FNIP2: variants seen among roughly 807,000 people sequenced by gnomAD.
FNIP2 encodes folliculin-interacting protein 2.
Under a neutral mutation model 108.7 loss-of-function variants are expected in FNIP2, and 32 were observed. The ratio of observed to expected loss-of-function variants is 0.29; its 90% confidence interval spans 0.22 to 0.40. The LOEUF (loss-of-function observed/expected upper bound fraction) is 0.40. Ranked by LOEUF, FNIP2 falls within the 10% of genes least tolerant of loss-of-function variation. The probability of loss-of-function intolerance (pLI) is 1.00; values close to 1 mark genes in which losing one functional copy is unlikely to be tolerated. For missense variants in FNIP2, 1,202 were observed against 1,381.6 expected (o/e 0.87, Z 2.06); for synonymous variants, 480 against 496.7 (o/e 0.97, Z 0.45).
At chr4:158,795,459 G>C (rs1433787200) in intron 1 of FNIP2, among the ~76,000 whole-genome samples, 2 of 152,152 alleles carry the variant, frequency 1.3e-5, no homozygotes, top group African/African-American at 4.8e-5. Flanking sequence ...TACATTCTGA[G>C]GTATCTGATG....
At chr4:158,846,539 T>C (rs1779414837) in intron 7 of FNIP2, among the ~76,000 whole-genome samples, 1 of 152,184 alleles carries the variant, frequency 6.6e-6, no homozygotes, top group Non-Finnish European at 1.5e-5. Context: ...CTAACCTGAA[T>C]TATATAATAC....
intron 8 of FNIP2, among the ~76,000 whole-genome samples, chr4:158,853,723 AGAT>A (rs1364796078): frequency 6.6e-6 from 1 of 152,242 alleles, no homozygotes; most frequent in East Asian, 1.9e-4. Context: ...CATCTGGATC[AGAT>A]GATTCTTGTT....
chr4:158,806,323 GT>G (rs1445529103), intron 1 of FNIP2: 1 of 1,289,280 alleles, frequency 7.8e-7, no homozygotes. Context: ...GAGTGATGCT[GT>G]TCCTGGTGCT....
intron 1 of FNIP2, chr4:158,806,362 A>G: frequency 7.8e-7 from 1 of 1,289,420 alleles, no homozygotes. Context: ...GCTTTTATGC[A>G]CAAAGATTAA....
chr4:158,897,998 T>C (rs957918177), intron 16 of FNIP2, among the ~76,000 whole-genome samples: 1 of 152,252 alleles, frequency 6.6e-6, no homozygotes, highest in Non-Finnish European at 1.5e-5. Context: ...TTAATCCATC[T>C]TGAGTTAATT....
chr4:158,831,789 T>C, intron 3 of FNIP2, 72 bp from the exon 4 acceptor site: 1 of 960,046 alleles, frequency 1.0e-6, no homozygotes. Context: ...ACGAGATTAA[T>C]AAACATTATT....
intron 1 of FNIP2, among the ~76,000 whole-genome samples, chr4:158,806,807 G>T (rs1160207901): frequency 6.6e-6 from 1 of 152,178 alleles, no homozygotes; most frequent in Non-Finnish European, 1.5e-5. Context: ...TCAGGCCTGG[G>T]CGTTTTCACT....
At chr4:158,791,404 C>T (rs1460223935) in intron 1 of FNIP2, among the ~76,000 whole-genome samples, 3 of 151,232 alleles carry the variant, frequency 2.0e-5, no homozygotes, top group African/African-American at 7.3e-5. Flanking sequence ...CTGCCTCAGC[C>T]TCCTGAGTAG....
chr4:158,772,551 G>A (rs922523038), intron 1 of FNIP2, among the ~76,000 whole-genome samples: 1 of 152,190 alleles, frequency 6.6e-6, no homozygotes, highest in African/African-American at 2.4e-5. Context: ...TATTATCTGG[G>A]ATATGAAGAA....
rs767388522 is a variant in FNIP2 at position 158,788,633 on chromosome 4, A to G, written c.107+19314A>G. Among the ~76,000 whole-genome samples, 164 of 152,248 alleles carry G rather than the reference A, an allele frequency of 1.1e-3. 2 individuals are homozygous for G. Among genetic ancestry groups the G allele is most frequent in the Non-Finnish European group, 5.3e-4 (36 of 68,050 alleles). ...CATGTTGTTTATCCCCTTTGGGAGA[A>G]GAAGCCGTACATATGGACAGGCCTC... On this transcript the variant is annotated intron_variant, in intron 1 of 16. Coordinates refer to ENST00000264433, the MANE Select transcript of FNIP2 (RefSeq NM_020840.3).
intron 16 of FNIP2, among the ~76,000 whole-genome samples, chr4:158,897,041 CTGTG>C (rs1315677775): frequency 6.6e-6 from 1 of 151,916 alleles, no homozygotes; most frequent in Non-Finnish European, 1.5e-5. Flanking sequence ...GTTCCCCTTC[CTGTG>C]TGTGTTGTCA....
At chr4:158,846,919 G>A (rs1779434686) in intron 7 of FNIP2, among the ~76,000 whole-genome samples, 1 of 152,170 alleles carries the variant, frequency 6.6e-6, no homozygotes. Context: ...TGAATTGCCA[G>A]CGCCACCCCT....
At chr4:158,806,567 T>A (rs1014675895) in intron 1 of FNIP2, 2 of 478,696 alleles carry the variant, frequency 4.2e-6, no homozygotes, top group Non-Finnish European at 6.9e-6. Flanking sequence ...TTGGTGGATG[T>A]GCAGAGTCAA....
intron 12 of FNIP2, among the ~76,000 whole-genome samples, chr4:158,863,836 T>C (rs1560811564): frequency 6.6e-6 from 1 of 152,222 alleles, no homozygotes; most frequent in African/African-American, 2.4e-5. Flanking sequence ...TTTGACCTAA[T>C]GATCTTAAGG....
At chr4:158,853,098 A>G (rs1779789171) in intron 8 of FNIP2, among the ~76,000 whole-genome samples, 1 of 151,494 alleles carries the variant, frequency 6.6e-6, no homozygotes, top group Non-Finnish European at 1.5e-5. Flanking sequence ...ATATAAACTA[A>G]TAAATTCCAA....
intron 1 of FNIP2, among the ~76,000 whole-genome samples, chr4:158,810,080 T>G (rs1347893706): frequency 1.3e-5 from 2 of 152,142 alleles, no homozygotes; most frequent in East Asian, 3.9e-4. Context: ...GTCACAGATT[T>G]AGAGAGAGAT....
intron 1 of FNIP2, among the ~76,000 whole-genome samples, chr4:158,777,661 C>T (rs1775903572): frequency 6.6e-6 from 1 of 152,120 alleles, no homozygotes; most frequent in Non-Finnish European, 1.5e-5. Flanking sequence ...CTGCCCTACC[C>T]AGAGGGCAGA....
chr4:158,806,475 C>G, intron 1 of FNIP2: 1 of 1,191,562 alleles, frequency 8.4e-7, no homozygotes, highest in South Asian at 1.3e-5. Context: ...ATTTAATTTA[C>G]TGTGTAGTAA....
intron 14 of FNIP2, chr4:158,871,278 A>T: frequency 1.6e-6 from 1 of 625,412 alleles, no homozygotes; most frequent in Non-Finnish European, 2.0e-6. Context: ...CTGAGCTGTT[A>T]TTGGGCAGAT....
Sources: gnomAD v4.1 joint callset for allele counts (sites outside exome capture counted in the v4.1 genomes callset) on GRCh38, gnomAD v4.1.1 for gene constraint, MANE v1.5 for transcripts, NCBI Gene and HGNC (gene_info 2026-07-23, HGNC 2026-07-21) for gene names.